The following PCSK5 variants were observed in gnomAD, a reference collection of about 807,000 sequenced individuals.
PCSK5 encodes the protein prohormone convertase 5.
In PCSK5, 129 loss-of-function variants were observed where a neutral mutation model predicts 233.2. The ratio of observed to expected loss-of-function variants is 0.55; its 90% CI spans 0.48 to 0.64. The LOEUF is 0.64. Ranked by LOEUF, PCSK5 falls within the 30% of genes least tolerant of loss-of-function variation. The pLI is 0.00. For missense variants in PCSK5, 2,076 were observed against 2,430.1 expected, an observed-to-expected ratio of 0.85 and a Z score of 3.06; for synonymous variants, 825 against 879.2, an observed-to-expected ratio of 0.94 and a Z score of 1.09.
chr9:76,132,771 A>G (rs955608062), intron 9 of PCSK5, among the ~76,000 whole-genome samples: 4 of 152,082 alleles, frequency 2.6e-5, no homozygotes, highest in African/African-American at 4.8e-5. Flanking sequence ...ACTAGCATCC[A>G]TGTTCTAAGT....
At chr9:76,285,030 C>G (rs115236966) in intron 24 of PCSK5, among the ~76,000 whole-genome samples, 1 of 152,036 alleles carries the variant, frequency 6.6e-6, no homozygotes, top group Non-Finnish European at 1.5e-5. Context: ...ATTTTTTAAG[C>G]CAATGAGTGA....
At chr9:75,978,465 C>G (rs1399126018) in intron 2 of PCSK5, among the ~76,000 whole-genome samples, 1 of 151,978 alleles carries the variant, frequency 6.6e-6, no homozygotes, top group East Asian at 1.9e-4. Flanking sequence ...TGTGATTTGC[C>G]CAAGTGGCCA....
intron 5 of PCSK5, among the ~76,000 whole-genome samples, chr9:76,031,810 C>T (rs915997812): frequency 6.6e-6 from 1 of 152,166 alleles, no homozygotes; most frequent in Non-Finnish European, 1.5e-5. Context: ...GTGTTCTATT[C>T]ATATATCTAA....
At chr9:76,150,756 GT>G (rs1259230708) in intron 10 of PCSK5, among the ~76,000 whole-genome samples, 5 of 152,216 alleles carry the variant, frequency 3.3e-5, no homozygotes, top group African/African-American at 9.6e-5. Context: ...TGCAACTATA[GT>G]TCTGAATCTC....
intron 22 of PCSK5, among the ~76,000 whole-genome samples, chr9:76,234,630 T>C (rs917517838): frequency 6.6e-6 from 1 of 152,250 alleles, no homozygotes; most frequent in Non-Finnish European, 1.5e-5. Context: ...ATTTTACTTC[T>C]AGACTGCCTT....
intron 2 of PCSK5, among the ~76,000 whole-genome samples, chr9:75,982,029 G>GT (rs1177734984): frequency 5.3e-5 from 8 of 152,218 alleles, no homozygotes; most frequent in South Asian, 4.1e-4. Context: ...AGTTTATCAG[G>GT]TTTTTTGTGT....
intron 7 of PCSK5, among the ~76,000 whole-genome samples, chr9:76,080,936 G>A (rs73454542): frequency 0.011 from 1,653 of 152,222 alleles, 29 homozygotes; most frequent in African/African-American, 0.038. Context: ...TAAATCTCAT[G>A]TTGCTGAGTA....
intron 17 of PCSK5, among the ~76,000 whole-genome samples, chr9:76,187,703 A>C (rs1428273460): frequency 6.6e-6 from 1 of 152,180 alleles, no homozygotes; most frequent in Non-Finnish European, 1.5e-5. Context: ...AATTTTAAGA[A>C]TTAGCCTGTA....
intron 6 of PCSK5, among the ~76,000 whole-genome samples, chr9:76,071,088 CCTAT>C (rs1465892110): frequency 1.3e-5 from 2 of 151,978 alleles, no homozygotes; most frequent in African/African-American, 4.8e-5. Flanking sequence ...ATAGTAAATT[CCTAT>C]CTGTTTGATA....
chr9:76,284,265 G>A (rs1297126615), intron 24 of PCSK5, among the ~76,000 whole-genome samples: 1 of 152,030 alleles, frequency 6.6e-6, no homozygotes, highest in Non-Finnish European at 1.5e-5. Context: ...ATCTTGAATT[G>A]TAGCTCCCAT....
chr9:76,162,549 AAATG>A (rs1822909940), intron 12 of PCSK5, among the ~76,000 whole-genome samples: 1 of 152,154 alleles, frequency 6.6e-6, no homozygotes, highest in African/African-American at 2.4e-5. Flanking sequence ...TGGGGAAAAA[AAATG>A]AAGAGGTCAG....
intron 14 of PCSK5, among the ~76,000 whole-genome samples, chr9:76,178,980 G>A (rs542558538): frequency 1.1e-4 from 17 of 151,726 alleles, no homozygotes; most frequent in South Asian, 2.1e-4. Context: ...GCTTGCTTGC[G>A]TTTTTTTTAA....
intron 3 of PCSK5, among the ~76,000 whole-genome samples, chr9:76,000,029 G>A (rs1587480081): frequency 6.6e-6 from 1 of 152,148 alleles, no homozygotes; most frequent in South Asian, 2.1e-4. Flanking sequence ...CTATCCAGCT[G>A]ACAAAGGGCT....
intron 20 of PCSK5, among the ~76,000 whole-genome samples, chr9:76,201,703 C>A (rs1824921865): frequency 6.6e-6 from 1 of 152,148 alleles, no homozygotes; most frequent in African/African-American, 2.4e-5. Context: ...AAGTTAGTAA[C>A]AACCAATGGG....
intron 36 of PCSK5, among the ~76,000 whole-genome samples, chr9:76,351,545 GA>G (rs1830160689): frequency 8.2e-6 from 1 of 122,664 alleles, no homozygotes; most frequent in Non-Finnish European, 1.8e-5. Flanking sequence ...AGGAAAGAAA[GA>G]GAAAGAAGAG....
rs141015222 is a variant in PCSK5, at chr9:76,285,851, A to G, written c.3143-6382A>G. ...AAATAAAGTTAGAAGCATTTTAGCT[A>G]GTATGTTCCTCTTTTTTTGAATGGA... On this transcript the variant is annotated intron_variant, in intron 24 of 37. Transcript: ENST00000674117. Among the ~76,000 whole-genome samples, 165 of 152,348 alleles carry G rather than the reference A, an allele frequency of 1.1e-3. 1 individual carries two copies. Among genetic ancestry groups the G allele is most frequent in the East Asian group, 6.5e-3 (34 of 5,192 alleles).
At chr9:76,064,392 G>A (rs1830183798) in intron 5 of PCSK5, among the ~76,000 whole-genome samples, 1 of 127,288 alleles carries the variant, frequency 7.9e-6, no homozygotes, top group Non-Finnish European at 1.7e-5. Flanking sequence ...GGACGGCACG[G>A]CTGGCCAGGC....
intron 9 of PCSK5, among the ~76,000 whole-genome samples, chr9:76,132,283 C>T (rs1420749282): frequency 1.3e-5 from 2 of 152,078 alleles, no homozygotes; most frequent in African/African-American, 4.8e-5. Flanking sequence ...CTGGATTCCA[C>T]CAAACAGCCT....
intron 35 of PCSK5, among the ~76,000 whole-genome samples, chr9:76,339,109 C>T (rs562627301): frequency 6.6e-6 from 1 of 151,848 alleles, no homozygotes; most frequent in Non-Finnish European, 1.5e-5. Context: ...ATCTTGCCCC[C>T]ACACCAGGTC....
Sources: gnomAD v4.1 joint callset for allele counts (sites outside exome capture counted in the v4.1 genomes callset) on GRCh38, gnomAD v4.1.1 for gene constraint, MANE v1.5 for transcripts, NCBI Gene and HGNC (gene_info 2026-07-23, HGNC 2026-07-21) for gene names.